THSD7B: variants seen among roughly 807,000 people sequenced by gnomAD.
THSD7B encodes the protein thrombospondin type 1 domain containing 7B.
In THSD7B, 138 loss-of-function variants were observed where a neutral mutation model predicts 213.6. The ratio of observed to expected loss-of-function variants is 0.65; its 90% confidence interval spans 0.56 to 0.74. The LOEUF is 0.74. THSD7B is among the 30% of genes least tolerant of loss of function. The pLI, the probability that THSD7B is intolerant of heterozygous loss-of-function variation, is 0.00. For missense variants in THSD7B, 1,931 were observed against 1,991.5 expected, an observed-to-expected ratio of 0.97 and a Z score of 0.58; for synonymous variants, 742 against 687.0, an observed-to-expected ratio of 1.08 and a Z score of -1.25.
intron 2 of THSD7B, among the ~76,000 whole-genome samples, chr2:136,962,918 C>T (rs1685250726): frequency 1.3e-5 from 2 of 152,148 alleles, no homozygotes; most frequent in African/African-American, 4.8e-5. Context: ...TATTTCAATT[C>T]TGATTTTAGA....
intron 12 of THSD7B, among the ~76,000 whole-genome samples, chr2:137,322,164 C>T (rs1684276227): frequency 6.6e-6 from 1 of 152,212 alleles, no homozygotes; most frequent in Non-Finnish European, 1.5e-5. Flanking sequence ...CTCAGCTCCC[C>T]TTTCCTCCCT....
intron 15 of THSD7B, among the ~76,000 whole-genome samples, chr2:137,468,125 T>A (rs980345975): frequency 2.0e-5 from 3 of 152,144 alleles, no homozygotes; most frequent in African/African-American, 7.2e-5. Context: ...GAAACACCTT[T>A]TAGTAATGCT....
intron 14 of THSD7B, among the ~76,000 whole-genome samples, chr2:137,416,831 G>A (rs560819817): frequency 6.6e-6 from 1 of 152,332 alleles, no homozygotes; most frequent in East Asian, 1.9e-4. Context: ...TTTGGGAATA[G>A]AGGAAATGAA....
At chr2:137,099,350 C>T (rs1278017017) in intron 4 of THSD7B, among the ~76,000 whole-genome samples, 1 of 152,128 alleles carries the variant, frequency 6.6e-6, no homozygotes, top group Non-Finnish European at 1.5e-5. Flanking sequence ...AGGCAAAAAG[C>T]ATTCTAACAC....
At chr2:137,605,648 CTTTTTTTTT>C (rs34604281) in intron 17 of THSD7B, among the ~76,000 whole-genome samples, 5 of 68,970 alleles carry the variant, frequency 7.2e-5, no homozygotes, top group Non-Finnish European at 1.1e-4. Flanking sequence ...GCACTTCGCA[CTTTTTTTTT>C]TTTTTTTTTT....
chr2:137,077,414 A>G (rs1180536738), intron 3 of THSD7B, among the ~76,000 whole-genome samples: 1 of 152,136 alleles, frequency 6.6e-6, no homozygotes, highest in Non-Finnish European at 1.5e-5. Context: ...GACTTCCACA[A>G]TGGTTGAACT....
intron 15 of THSD7B, among the ~76,000 whole-genome samples, chr2:137,543,610 A>T (rs879617306): frequency 6.6e-6 from 1 of 151,902 alleles, no homozygotes; most frequent in Non-Finnish European, 1.5e-5. Context: ...GAGAAAAGAG[A>T]TAAATTGGAC....
intron 3 of THSD7B, among the ~76,000 whole-genome samples, chr2:137,074,465 G>C (rs1303518393): frequency 6.6e-6 from 1 of 151,770 alleles, no homozygotes; most frequent in Admixed American, 6.6e-5. Context: ...CCTTTATTTT[G>C]AGCCCATGTG....
rs755438464 is a variant in THSD7B, at chr2:137,618,450, C to T, written c.3624C>T (p.Arg1208=). The change falls in exon 19 of 28, where the codon CGC becomes CGT. Residue 1208 remains arginine (R), a synonymous_variant. Coordinates refer to ENST00000409968, the MANE Select transcript of THSD7B (RefSeq NM_001316349.2). ...NAPCGQGVRT[R]LLSCVCSDGK... ...CCTGTGGTCAAGGCGTCAGGACCCG[C>T]CTGCTAAGCTGTGTGTGCAGTGATG... The T allele has an allele frequency of 1.2e-6, 2 of 1,613,842 alleles. No individual in the cohort carries two copies. Among genetic ancestry groups the T allele is most frequent in the Middle Eastern group, 1.6e-4 (1 of 6,062 alleles).
In THSD7B at chr2:136,975,730, A is replaced by G. The variant is rs368368913; in HGVS notation, c.140-80690A>G. ...TTTTCTAGTTCAGTGAAGAATGTCA[A>G]TGGTAGTTTGATGGAAATAGCATTC... is the stretch of plus-strand genomic sequence containing the variant. On this transcript the variant is annotated intron_variant, in intron 2 of 27. Coordinates refer to ENST00000409968, the MANE Select transcript of THSD7B (RefSeq NM_001316349.2). 1.2e-4 allele frequency among the ~76,000 whole-genome samples: 18 copies of G among 152,282 alleles called. No individual in the cohort carries two copies. The South Asian group carries it at 3.1e-3, about 26-fold the overall frequency.
chr2:137,031,359 A>C (rs1018592778), intron 2 of THSD7B, among the ~76,000 whole-genome samples: 14 of 152,142 alleles, frequency 9.2e-5, no homozygotes, highest in African/African-American at 3.1e-4. Context: ...TGGATGAATA[A>C]ATACATAAAT....
chr2:136,872,042 A>G (rs2104981782), intron 1 of THSD7B, among the ~76,000 whole-genome samples: 1 of 152,346 alleles, frequency 6.6e-6, no homozygotes, highest in East Asian at 1.9e-4. Context: ...CACTCATACA[A>G]CATACATCAA....
At chr2:137,144,827 T>C (rs1434293664) in intron 5 of THSD7B, among the ~76,000 whole-genome samples, 2 of 152,050 alleles carry the variant, frequency 1.3e-5, no homozygotes. Flanking sequence ...TAATCAAGGA[T>C]TTTATCTTTT....
At chr2:137,018,362 A>G (rs1342843717) in intron 2 of THSD7B, among the ~76,000 whole-genome samples, 1 of 152,192 alleles carries the variant, frequency 6.6e-6, no homozygotes, top group Non-Finnish European at 1.5e-5. Context: ...GTTGTTAATA[A>G]AATAACAAAG....
chr2:137,251,612 TG>T (rs1364231114), intron 10 of THSD7B, among the ~76,000 whole-genome samples: 2 of 152,190 alleles, frequency 1.3e-5, no homozygotes, highest in Admixed American at 6.5e-5. Flanking sequence ...TGCAAAATTG[TG>T]GTCATGTGCA....
chr2:136,831,127 A>ATCTT (rs1553451480), intron 1 of THSD7B, among the ~76,000 whole-genome samples: 5 of 27,066 alleles, frequency 1.8e-4, no homozygotes, highest in Non-Finnish European at 2.5e-4. Flanking sequence ...GGCCTGTAGA[A>ATCTT]TCTTTTTTTT....
Position 137,272,425 on chromosome 2 carries a change from C to T in THSD7B, c.2267-108C>T, listed in dbSNP as rs546827033. 4 of 1,171,442 alleles carry T rather than the reference C, an allele frequency of 3.4e-6. No individual in the cohort carries two copies. In the East Asian group the frequency reaches 1.1e-4, roughly 31 times the overall value. The allele number at this position is 1,171,442 out of a possible 1,614,324, so 72.6% of individuals were successfully genotyped here. On this transcript the variant is annotated intron_variant, in intron 10 of 27. Coordinates refer to ENST00000409968, the MANE Select transcript of THSD7B (RefSeq NM_001316349.2). ...TATTTTCGTTCCCAGGTTGACTTTC[C>T]ACATGTGCTTACTTTATCTCTCTCT...
chr2:137,338,248 A>G (rs1029364040), intron 12 of THSD7B, among the ~76,000 whole-genome samples: 15 of 152,028 alleles, frequency 9.9e-5, no homozygotes, highest in South Asian at 4.1e-4. Context: ...GGCTCAAAAT[A>G]GTTGAGCATT....
rs182985299 is a variant in THSD7B at position 137,185,404 on chromosome 2, C to T, written c.1723+14466C>T. ...GTGGTTTTTCATCCATCCCTTGCCC[C>T]CTTTTATACTCTCCAGTATCTATTG... On this transcript the variant is annotated intron_variant, in intron 7 of 27. Transcript: ENST00000409968. 3.9e-5 allele frequency among the ~76,000 whole-genome samples: 6 copies of T among 152,164 alleles called. No individual in the cohort carries two copies. In the East Asian group the frequency reaches 1.2e-3, roughly 29 times the overall value.
Sources: allele counts gnomAD v4.1 joint callset (sites outside exome capture counted in the v4.1 genomes callset), GRCh38; gene constraint gnomAD v4.1.1; transcripts MANE v1.5; gene names NCBI Gene and HGNC (gene_info 2026-07-23, HGNC 2026-07-21).